The following ATP8B3 variants were observed in gnomAD, a reference collection of about 807,000 sequenced individuals.
The protein encoded by ATP8B3 is ATPase phospholipid transporting 8B3, also known as phospholipid-transporting ATPase IK.
In ATP8B3, 141 loss-of-function variants were observed where a neutral mutation model predicts 140.9. The ratio of observed to expected loss-of-function variants is 1.00; its 90% CI spans 0.87 to 1.15. The LOEUF (loss-of-function observed/expected upper bound fraction) is 1.15. ATP8B3 is among the 50% of genes most tolerant of loss of function. The pLI is 0.00. For missense variants in ATP8B3, 1,874 were observed against 1,740.6 expected (o/e 1.08, Z -1.36); for synonymous variants, 765 against 714.6 (o/e 1.07, Z -1.13).
In ATP8B3 at chr19:1,809,661, C is replaced by T; in HGVS notation, c.384G>A (p.Trp128Ter). The T allele has an allele frequency of 6.2e-7, 1 of 1,609,858 alleles. No individual in the cohort carries two copies. The highest frequency in any genetic ancestry group is 8.5e-7 in the Non-Finnish European group (1 of 1,178,410). ...CGCCCACCTTGTATTTCTTCCTTTGCCAGCACAGGATCACCTTCTCCTTGA... is the reference window on the plus strand; with the variant it reads ...CGCCCACCTTGTATTTCTTCCTTTGTCAGCACAGGATCACCTTCTCCTTGA... ...GQFKEKVILC[W>*]QRKKYKTNVI... Residue 128 changes from tryptophan (W) to a stop codon, truncating the protein, a stop_gained, in exon 4 of 29, where the codon TGG becomes TGA. Coordinates refer to ENST00000310127, the MANE Select transcript of ATP8B3 (RefSeq NM_138813.4). LOFTEE classifies it high-confidence loss of function.
At chr19:1,783,890 G>A (rs1311523237) in intron 28 of ATP8B3, among the ~76,000 whole-genome samples, 1 of 152,246 alleles carries the variant, frequency 6.6e-6, no homozygotes, top group East Asian at 1.9e-4. Context: ...TAGGAGTGCA[G>A]TGGCAAAAAT....
At chr19:1,810,747 C>G in intron 2 of ATP8B3, 64 bp from the exon 3 acceptor site, 1 of 1,496,820 alleles carries the variant, frequency 6.7e-7, no homozygotes, top group Non-Finnish European at 9.1e-7. Context: ...ACCACTCGGT[C>G]TTCAAGGAGC....
Position 1,782,981 on chromosome 19 carries a change from T to A in ATP8B3, c.*47A>T. 1.3e-6 allele frequency: 2 copies of A among 1,561,802 alleles called. No individual in the cohort carries two copies. Among genetic ancestry groups the A allele is most frequent in the Non-Finnish European group, 1.7e-6 (2 of 1,153,472 alleles). On this transcript the variant is annotated 3_prime_UTR_variant, in exon 29 of 29. Transcript: ENST00000310127. Reference sequence around the variant, plus strand: ...TACTTCCTGGGAGGACACCTGCCCCTGTGGCTGGTGCTTCTTCTTCCCCAG... The same window carrying A: ...TACTTCCTGGGAGGACACCTGCCCCAGTGGCTGGTGCTTCTTCTTCCCCAG...
chr19:1,789,352 G>GCCA lies in ATP8B3; in HGVS notation c.2845+6_2845+8dup, dbSNP rs2068413406. ...CCCAGGCACCCCCAGCCCCGCCGCC[G>GCCA]CCACCCACTCTTGATCATGTTGATG... On this transcript the variant is annotated intron_variant, in intron 23 of 28. Transcript: ENST00000310127. 1 of 1,378,628 alleles carries GCCA rather than the reference G, an allele frequency of 7.3e-7. No individual in the cohort carries two copies. The highest frequency in any genetic ancestry group is 9.5e-7 in the Non-Finnish European group (1 of 1,052,348). 85.4% of individuals were successfully genotyped at this position (1,378,628 alleles called of 1,614,324 possible). A position where few individuals can be genotyped will look rare whatever the true frequency, so the allele number is the denominator to read the frequency against.
chr19:1,806,525 A>T lies in ATP8B3; in HGVS notation c.677+103T>A. On this transcript the variant is annotated intron_variant, in intron 7 of 28. Coordinates refer to ENST00000310127, the MANE Select transcript of ATP8B3 (RefSeq NM_138813.4). This position sits in a 1 kb window ranked among gnomAD's most constrained non-coding sequence, Gnocchi z 5.6. Reference sequence around the variant, plus strand: ...CCTGTCGGACTCAACCAGCCGGGAGATCAGGGAGCACGGAAGGTGATGGAC... The same window carrying T: ...CCTGTCGGACTCAACCAGCCGGGAGTTCAGGGAGCACGGAAGGTGATGGAC... 1 of 1,519,358 alleles carries T rather than the reference A, an allele frequency of 6.6e-7. No individual in the cohort carries two copies. Among genetic ancestry groups the T allele is most frequent in the Non-Finnish European group, 8.8e-7 (1 of 1,134,840 alleles). 94.1% of individuals were successfully genotyped at this position (1,519,358 alleles called of 1,614,324 possible).
chr19:1,809,006 C>T (rs907875912), intron 4 of ATP8B3, among the ~76,000 whole-genome samples: 51 of 149,098 alleles, frequency 3.4e-4, no homozygotes, highest in Admixed American at 1.5e-3. Flanking sequence ...AACCCCATCT[C>T]TACTAAAGAT....
chr19:1,801,797 TA>T (rs1181611042), intron 12 of ATP8B3, among the ~76,000 whole-genome samples, 158 bp downstream of exon 12: 1 of 152,022 alleles, frequency 6.6e-6, no homozygotes, highest in African/African-American at 2.4e-5. Flanking sequence ...TAAAACTTTT[TA>T]AAAAATTACT....
chr19:1,796,549 G>A (rs2068681751), intron 16 of ATP8B3, among the ~76,000 whole-genome samples, 162 bp downstream of exon 16: 1 of 152,252 alleles, frequency 6.6e-6, no homozygotes, highest in South Asian at 2.1e-4. Context: ...CTGGGCTCCA[G>A]GCCCGGACGC....
rs2068662223 is a variant in ATP8B3 at position 1,796,070 on chromosome 19, G to T, written c.1942+7C>A. 1.2e-6 allele frequency: 2 copies of T among 1,612,276 alleles called. No individual in the cohort carries two copies. Among genetic ancestry groups the T allele is most frequent in the Admixed American group, 3.3e-5 (2 of 59,986 alleles). On this transcript the variant is annotated splice_region_variant and intron_variant, in intron 17 of 28. Transcript: ENST00000310127. ...GGGGGGCCCAGGGCTTGGGTGGCGG[G>T]GCTCACCCAGCACCGACATCCGTTT...
rs767573179 is a variant in ATP8B3 at position 1,789,451 on chromosome 19, T to C, written c.2755A>G (p.Lys919Glu). ...VICCRVTPKQ[K>E]ALIVALVKKY... ...TTGACCAGGGCCACGATCAGGGCCT[T>C]CTGCTTGGGCGTCACGCGGCAGCAG... The change falls in exon 23 of 29, where the codon AAG becomes GAG. Residue 919 changes from lysine to glutamate, a missense_variant. Coordinates refer to ENST00000310127, the MANE Select transcript of ATP8B3 (RefSeq NM_138813.4). The C allele has an allele frequency of 5.0e-6, 8 of 1,597,508 alleles. No homozygotes were observed. The African/African-American group carries it at 5.4e-5, about 11-fold the overall frequency.
chr19:1,799,764 C>CAA (rs752768896), intron 14 of ATP8B3, 183 bp downstream of exon 14: 180 of 578,188 alleles, frequency 3.1e-4, no homozygotes, highest in South Asian at 4.4e-4. Flanking sequence ...GACTCTGCCT[C>CAA]AAAAAAAAAA....
chr19:1,782,775 A>G lies in ATP8B3; in HGVS notation c.*253T>C. The G allele has an allele frequency of 3.9e-6, 2 of 514,188 alleles. No individual in the cohort carries two copies. The highest frequency in any genetic ancestry group is 6.7e-5 in the East Asian group (2 of 29,736). The allele number at this position is 514,188 out of a possible 1,614,324, so 31.9% of individuals were successfully genotyped here. On this transcript the variant is annotated 3_prime_UTR_variant, in exon 29 of 29. Coordinates refer to ENST00000310127, the MANE Select transcript of ATP8B3 (RefSeq NM_138813.4). ...TTGGTCAACAGCAACTTCTCAGGAG[A>G]AGGTGGCCTCTGCTTGGGTGACAAT...
At position 1,785,008 on chromosome 19, in the gene ATP8B3, G is replaced by C; in HGVS notation, c.3533-62C>G. The C allele has an allele frequency of 4.5e-6, 7 of 1,552,354 alleles. No individual in the cohort carries two copies. In the South Asian group the frequency reaches 8.7e-5, roughly 19 times the overall value. On this transcript the variant is annotated intron_variant, in intron 27 of 28. Transcript: ENST00000310127. ...CAGCTCCAAGGATGCCCCCAGGCTA[G>C]GGAGCGCCTTGGTGCCTTTGTGCCT...
rs960881868 is a variant in ATP8B3 at position 1,799,296 on chromosome 19, G to GA, written c.1552+650dup. 2.0e-3 allele frequency: 300 copies of GA among 146,552 alleles called. 1 individual carries two copies. The highest frequency in any genetic ancestry group is 6.6e-3 in the African/African-American group (264 of 39,848). The allele number at this position is 146,552 out of a possible 1,614,324, so 9.1% of individuals were successfully genotyped here. ...AACAGGGTGAAACCCCATCTCTACT[G>GA]AAAAAAAAAATACAAAAATTAGCCA... is the stretch of plus-strand genomic sequence containing the variant. On this transcript the variant is annotated intron_variant, in intron 14 of 28. Coordinates refer to ENST00000310127, the MANE Select transcript of ATP8B3 (RefSeq NM_138813.4).
At position 1,784,788 on chromosome 19, in the gene ATP8B3, G is replaced by A. The variant is rs748648165; in HGVS notation, c.3660+31C>T. 21 of 1,569,714 alleles carry A rather than the reference G, an allele frequency of 1.3e-5. No individual in the cohort carries two copies. The East Asian group carries it at 4.4e-4, about 33-fold the overall frequency. ...CCAACCAGGGTCCTGGAATGTACCA[G>A]ATGAGGACCCCAGGCCCAGGCCCAC... is the stretch of plus-strand genomic sequence containing the variant. On this transcript the variant is annotated intron_variant, in intron 28 of 28. Coordinates refer to ENST00000310127, the MANE Select transcript of ATP8B3 (RefSeq NM_138813.4).
intron 14 of ATP8B3, among the ~76,000 whole-genome samples, chr19:1,798,446 T>C (rs57107584): frequency 0.32 from 49,063 of 151,796 alleles, 8,589 homozygotes; most frequent in East Asian, 0.59. Context: ...ATAATACTAA[T>C]ACTGTTTTGT....
In ATP8B3 at chr19:1,808,177, C is replaced by T. The variant is rs1487276085; in HGVS notation, c.516+45G>A. 2.0e-6 allele frequency: 3 copies of T among 1,466,114 alleles called. No homozygotes were observed. The Admixed American group carries it at 5.4e-5, about 26-fold the overall frequency. The allele number at this position is 1,466,114 out of a possible 1,614,324, so 90.8% of individuals were successfully genotyped here. On this transcript the variant is annotated intron_variant, in intron 5 of 28. Coordinates refer to ENST00000310127, the MANE Select transcript of ATP8B3 (RefSeq NM_138813.4). The stretch of plus-strand genomic sequence containing the variant: ...CACACAGACAAACACATCGATGCTG[C>T]CAGGTGGCTAGGGGGGACTTCCTGG...
At position 1,807,370 on chromosome 19, in the gene ATP8B3, C is replaced by T. The variant is rs2069058893; in HGVS notation, c.517-104G>A. ...CCGCACTCGACACCACGTGACACATCTGCTGGCCACCTTGACCGGGGTCCA... is the reference window on the plus strand; with the variant it reads ...CCGCACTCGACACCACGTGACACATTTGCTGGCCACCTTGACCGGGGTCCA... On this transcript the variant is annotated intron_variant, in intron 5 of 28. Coordinates refer to ENST00000310127, the MANE Select transcript of ATP8B3 (RefSeq NM_138813.4). This position sits in a 1 kb window ranked among gnomAD's most constrained non-coding sequence, Gnocchi z 5.9. 1 of 887,906 alleles carries T rather than the reference C, an allele frequency of 1.1e-6. No individual in the cohort carries two copies. Among genetic ancestry groups the T allele is most frequent in the Non-Finnish European group, 1.8e-6 (1 of 559,680 alleles). 55.0% of individuals were successfully genotyped at this position (887,906 alleles called of 1,614,324 possible). A position where few individuals can be genotyped will look rare whatever the true frequency, so the allele number is the denominator to read the frequency against.
chr19:1,809,821 C>G, intron 3 of ATP8B3, 87 bp from the exon 4 acceptor site: 1 of 1,281,368 alleles, frequency 7.8e-7, no homozygotes, highest in Non-Finnish European at 1.1e-6. Context: ...TCATGGGGCC[C>G]GTGGGACCCA....
Sources: gnomAD v4.1 joint callset for allele counts (sites outside exome capture counted in the v4.1 genomes callset) on GRCh38, gnomAD v4.1.1 for gene constraint, Gnocchi (gnomAD v3.1) non-coding constraint, MANE v1.5 for transcripts, NCBI Gene and HGNC (gene_info 2026-07-23, HGNC 2026-07-21) for gene names.